CENPC: variants seen among roughly 807,000 people sequenced by gnomAD.
CENPC encodes the protein CENP-C 1.
Under a neutral mutation model 112.1 loss-of-function variants are expected in CENPC, and 63 were observed. That is an observed-to-expected ratio of 0.56 (90% confidence interval 0.46 to 0.69). The LOEUF (loss-of-function observed/expected upper bound fraction) is 0.69. Ranked by LOEUF, CENPC falls within the 30% of genes least tolerant of loss-of-function variation. The pLI is 0.00. For synonymous variants in CENPC, 333 were observed against 367.6 expected (o/e 0.91, Z 1.08); for missense variants, 1,000 against 1,103.8 (o/e 0.91, Z 1.33).
At chr4:67,499,238 G>C (rs1725523856) in intron 12 of CENPC, among the ~76,000 whole-genome samples, 1 of 152,204 alleles carries the variant, frequency 6.6e-6, no homozygotes, top group South Asian at 2.1e-4. Flanking sequence ...CCCTTAACAA[G>C]AGAGTCACAG....
At chr4:67,493,661 T>C (rs1370939619) in intron 14 of CENPC, 6 of 433,584 alleles carry the variant, frequency 1.4e-5, no homozygotes, top group African/African-American at 6.0e-5. Flanking sequence ...TATTATGCAA[T>C]TGGAAATCTT....
In CENPC at chr4:67,492,952, G is replaced by A. The variant is rs1725324605; in HGVS notation, c.2336C>T (p.Ser779Phe). Residue 779 changes from serine to phenylalanine, a missense_variant, in exon 15 of 19, where the codon TCT becomes TTT. Physicochemically the swap from Ser to Phe is radical, Grantham distance 155 (BLOSUM62 -2). Transcript: ENST00000273853. Reference protein sequence around the residue: ...SGVLSPDTISSKRKAKENIGK... With the variant: ...SGVLSPDTISFKRKAKENIGK... ...AATATTTTCTTTTGCCTTCCTTTTAGACGATATTGTGTCTGGAGATAGTAC... is the reference window on the plus strand; with the variant it reads ...AATATTTTCTTTTGCCTTCCTTTTAAACGATATTGTGTCTGGAGATAGTAC... 1.3e-6 allele frequency: 2 copies of A among 1,553,050 alleles called. No homozygotes were observed. Among genetic ancestry groups the A allele is most frequent in the African/African-American group, 2.7e-5 (2 of 73,130 alleles).
chr4:67,512,996 T>G (rs1437351403), intron 8 of CENPC, among the ~76,000 whole-genome samples: 1 of 152,190 alleles, frequency 6.6e-6, no homozygotes, highest in Non-Finnish European at 1.5e-5. Flanking sequence ...TCTTGGATCA[T>G]CCAGGTTGAC....
At chr4:67,536,742 T>C (rs1462106254) in intron 4 of CENPC, among the ~76,000 whole-genome samples, 1 of 148,612 alleles carries the variant, frequency 6.7e-6, no homozygotes, top group African/African-American at 2.5e-5. Flanking sequence ...AAATTAATAA[T>C]ATAAAAATAA....
intron 4 of CENPC, among the ~76,000 whole-genome samples, chr4:67,537,955 T>C (rs1726776425): frequency 6.6e-6 from 1 of 152,098 alleles, no homozygotes; most frequent in African/African-American, 2.4e-5. Context: ...TGGCACTCCA[T>C]CCTGGGCTAA....
chr4:67,500,681 T>C (rs1465982323), intron 12 of CENPC, among the ~76,000 whole-genome samples: 1 of 152,100 alleles, frequency 6.6e-6, no homozygotes, highest in African/African-American at 2.4e-5. Context: ...TACAACCCCA[T>C]GGCATAAAAT....
Position 67,507,644 on chromosome 4 carries a change from G to T in CENPC, c.1905-710C>A, listed in dbSNP as rs927199601. ...CATATAGAAAAGCTCAGGCACAGGT[G>T]GCTTCACTGCTTTTACCAAACATTC... On this transcript the variant is annotated intron_variant, in intron 10 of 18. Transcript: ENST00000273853. Among the ~76,000 whole-genome samples, 48 of 152,144 alleles carry T rather than the reference G, an allele frequency of 3.2e-4. 1 individual carries two copies. Among genetic ancestry groups the T allele is most frequent in the African/African-American group, 1.1e-3 (46 of 41,522 alleles).
intron 18 of CENPC, among the ~76,000 whole-genome samples, chr4:67,473,226 C>T (rs1348305648): frequency 6.6e-6 from 1 of 151,940 alleles, no homozygotes; most frequent in Non-Finnish European, 1.5e-5. Flanking sequence ...CCACCGCGCC[C>T]GGCCAAAATC....
chr4:67,479,611 T>C (rs758291931), intron 17 of CENPC, among the ~76,000 whole-genome samples: 8 of 152,032 alleles, frequency 5.3e-5, no homozygotes, highest in Non-Finnish European at 1.2e-4. Flanking sequence ...AATGCCTCCA[T>C]CAAAAAGTCT....
In CENPC at chr4:67,545,400, C is replaced by A. The variant is rs778608848; in HGVS notation, c.-45G>T. ...AGCGCAACTGTCTGAGGTGGAAGCC[C>A]ACACGGACCACAGCTCCAGGAAGCC... On this transcript the variant is annotated 5_prime_UTR_variant, in exon 1 of 19. Transcript: ENST00000273853. 63 of 1,484,118 alleles carry A rather than the reference C, an allele frequency of 4.2e-5. 1 individual carries two copies. In the African/African-American group the frequency reaches 7.6e-4, roughly 18 times the overall value. The allele number at this position is 1,484,118 out of a possible 1,614,324, so 91.9% of individuals were successfully genotyped here. A position where few individuals can be genotyped will look rare whatever the true frequency, so the allele number is the denominator to read the frequency against.
At chr4:67,475,791 C>T (rs1439673357) in intron 17 of CENPC, among the ~76,000 whole-genome samples, 2 of 152,120 alleles carry the variant, frequency 1.3e-5, no homozygotes, top group African/African-American at 2.4e-5. Flanking sequence ...TTAGTAGAGA[C>T]GGGGTTTCAC....
chr4:67,530,830 C>T lies in CENPC; in HGVS notation c.316G>A (p.Ala106Thr), dbSNP rs1560441739. ...TGGCACCAACCTGATCTGTTTGTGG[C>T]TTCACTTGGTTCTACAACAAACTGT... ...SLQFVVEPSE[A>T]TNRSVQAHEV... Residue 106 changes from alanine to threonine, a missense_variant, in exon 5 of 19, where the codon GCC becomes ACC. By Grantham distance (58) the Ala-to-Thr change is moderately conservative. Coordinates refer to ENST00000273853, the MANE Select transcript of CENPC (RefSeq NM_001812.4). 1 of 1,590,680 alleles carries T rather than the reference C, an allele frequency of 6.3e-7. No individual in the cohort carries two copies. Among genetic ancestry groups the T allele is most frequent in the East Asian group, 2.3e-5 (1 of 44,276 alleles).
chr4:67,533,235 C>T (rs1726613582), intron 4 of CENPC, among the ~76,000 whole-genome samples: 1 of 152,204 alleles, frequency 6.6e-6, no homozygotes, highest in South Asian at 2.1e-4. Flanking sequence ...CACAAGATCT[C>T]ATGGGTTTAT....
chr4:67,539,220 A>G (rs1726813444), intron 4 of CENPC, among the ~76,000 whole-genome samples: 1 of 152,204 alleles, frequency 6.6e-6, no homozygotes, highest in African/African-American at 2.4e-5. Context: ...CAATTCTGAA[A>G]GAAATGGTTT....
chr4:67,482,120 A>G (rs910829190), intron 17 of CENPC, among the ~76,000 whole-genome samples: 3 of 152,136 alleles, frequency 2.0e-5, no homozygotes, highest in Non-Finnish European at 4.4e-5. Context: ...TGAATAGACA[A>G]TTCTCAAAAG....
intron 12 of CENPC, among the ~76,000 whole-genome samples, chr4:67,496,340 A>G (rs1038908324): frequency 1.3e-5 from 2 of 152,212 alleles, no homozygotes; most frequent in African/African-American, 4.8e-5. Flanking sequence ...CAATTACCCA[A>G]CTAAGCCAAG....
intron 12 of CENPC, among the ~76,000 whole-genome samples, chr4:67,497,068 A>AT (rs1400674398): frequency 2.0e-5 from 3 of 152,074 alleles, no homozygotes; most frequent in African/African-American, 4.8e-5. Context: ...GTTTCTCACT[A>AT]TTTGAGAAGA....
rs1418216598 is a variant in CENPC at position 67,474,929 on chromosome 4, G to C, written c.2720C>G (p.Pro907Arg). ...GDLLCTLHET[P>R]YILSTGDSFY... ...CGAATCCCCAGTACTTAATATATAA[G>C]GTGTTTCATGTAAAGTACACAAAAG... The change falls in exon 18 of 19, where the codon CCT becomes CGT. Residue 907 changes from proline (P) to arginine (R), a missense_variant. Transcript: ENST00000273853. 1 of 1,582,370 alleles carries C rather than the reference G, an allele frequency of 6.3e-7. No individual in the cohort carries two copies. The highest frequency in any genetic ancestry group is 8.6e-7 in the Non-Finnish European group (1 of 1,161,248).
chr4:67,494,930 CAAAAAGTGAGAGGGCAATAGGATTTATAA>C (rs747845173), intron 13 of CENPC, among the ~76,000 whole-genome samples, 200 bp downstream of exon 13: 2 of 152,048 alleles, frequency 1.3e-5, no homozygotes, highest in Non-Finnish European at 1.5e-5. Flanking sequence ...TACTATGGGG[CAAAAAGTGAGAGGGCAATAGGATTTATAA>C]ATGGACAATA....
Sources: allele counts gnomAD v4.1 joint callset (sites outside exome capture counted in the v4.1 genomes callset), GRCh38; gene constraint gnomAD v4.1.1; transcripts MANE v1.5; gene names NCBI Gene and HGNC (gene_info 2026-07-23, HGNC 2026-07-21).